The following STEAP2 variants were observed in gnomAD, a reference collection of about 807,000 sequenced individuals.
The protein encoded by STEAP2 is STEAP2 metalloreductase.
Under a neutral mutation model 46.4 loss-of-function variants are expected in STEAP2, and 30 were observed. The ratio of observed to expected loss-of-function variants is 0.65; its 90% CI spans 0.48 to 0.88. The LOEUF (loss-of-function observed/expected upper bound fraction) is 0.88, where lower values mean the gene tolerates loss of function less well. STEAP2 is among the 40% of genes least tolerant of loss of function. STEAP2 has a pLI of 0.00. For synonymous variants in STEAP2, 180 were observed against 200.5 expected (o/e 0.90, Z 0.86); for missense variants, 513 against 579.3 (o/e 0.89, Z 1.18).
At chr7:90,227,614 G>T in intron 4 of STEAP2, 116 bp downstream of exon 4, 1 of 1,005,898 alleles carries the variant, frequency 9.9e-7, no homozygotes. Context: ...GGTATACTGC[G>T]GGAGGGGAAA....
downstream of STEAP2, among the ~76,000 whole-genome samples, chr7:90,240,550 A>G (rs1453549897): frequency 2.0e-5 from 3 of 152,144 alleles, no homozygotes; most frequent in Non-Finnish European, 4.4e-5. This position sits in a 1 kb window ranked among gnomAD's most constrained non-coding sequence, Gnocchi z 4.1. Flanking sequence ...AATTATTCAT[A>G]TGATTAGAAA....
At chr7:90,243,087 T>A (rs1796083162), downstream of STEAP2, among the ~76,000 whole-genome samples, 1 of 152,202 alleles carries the variant, frequency 6.6e-6, no homozygotes, top group Non-Finnish European at 1.5e-5. Flanking sequence ...AAATGCTCAC[T>A]ACTCTCAACA....
In STEAP2 at chr7:90,237,091, T is replaced by C. The variant is rs1795987844; in HGVS notation, c.*4467T>C. 2.3e-6 allele frequency: 2 copies of C among 863,414 alleles called. No homozygotes were observed. Among genetic ancestry groups the C allele is most frequent in the African/African-American group, 3.4e-5 (2 of 58,296 alleles). The allele number at this position is 863,414 out of a possible 1,614,324, so 53.5% of individuals were successfully genotyped here. On this transcript the variant is annotated 3_prime_UTR_variant, in exon 6 of 6. Transcript: ENST00000394621. ...TGTGTCCTTTTTCATCCCTTCATCT[T>C]GCTGCTGGGATTGTGGATATAACAG...
Position 90,234,071 on chromosome 7 carries a change from C to G in STEAP2, c.*1447C>G. On this transcript the variant is annotated 3_prime_UTR_variant, in exon 6 of 6. Coordinates refer to ENST00000394621, the MANE Select transcript of STEAP2 (RefSeq NM_001244944.2). ...TTTCAAAAATCTCTGTAGAGTTAGT[C>G]TTCTCCTTTTCTCTTCCTGAGAAGT... The G allele has an allele frequency of 1.0e-6, 1 of 985,406 alleles. No individual in the cohort carries two copies. The highest frequency in any genetic ancestry group is 1.2e-6 in the Non-Finnish European group (1 of 829,924). 61.0% of individuals were successfully genotyped at this position (985,406 alleles called of 1,614,324 possible).
intron 3 of STEAP2, among the ~76,000 whole-genome samples, chr7:90,226,348 A>C (rs1795489700): frequency 6.6e-6 from 1 of 152,162 alleles, no homozygotes. Context: ...TAGACTTATT[A>C]TACCGTATTA....
chr7:90,242,624 G>C (rs893788012), downstream of STEAP2, among the ~76,000 whole-genome samples: 1 of 152,172 alleles, frequency 6.6e-6, no homozygotes, highest in African/African-American at 2.4e-5. Context: ...AGTAGTTTCA[G>C]TCTCCTTTCG....
chr7:90,232,324 C>T lies in STEAP2; in HGVS notation c.1186-13C>T, dbSNP rs778416542. 16 of 1,569,384 alleles carry T rather than the reference C, an allele frequency of 1.0e-5. No individual in the cohort carries two copies. The highest frequency in any genetic ancestry group is 1.4e-5 in the African/African-American group (1 of 73,392). Reference sequence around the variant, plus strand: ...TTATTCTTTGTTTCTTTTCCTTCCTCTCCTGGCCCAAGTCTACACTTGGAT... The same window carrying T: ...TTATTCTTTGTTTCTTTTCCTTCCTTTCCTGGCCCAAGTCTACACTTGGAT... On this transcript the variant is annotated splice_polypyrimidine_tract_variant and intron_variant, in intron 5 of 5. Coordinates refer to ENST00000394621, the MANE Select transcript of STEAP2 (RefSeq NM_001244944.2).
intron 2 of STEAP2, among the ~76,000 whole-genome samples, chr7:90,220,236 G>C (rs934441391): frequency 1.3e-5 from 2 of 152,196 alleles, no homozygotes; most frequent in African/African-American, 4.8e-5. Context: ...AAGTTTGGTA[G>C]AATTCGGCAG....
At position 90,234,943 on chromosome 7, in the gene STEAP2, G is replaced by T. The variant is rs569115018; in HGVS notation, c.*2319G>T. On this transcript the variant is annotated 3_prime_UTR_variant, in exon 6 of 6. Coordinates refer to ENST00000394621, the MANE Select transcript of STEAP2 (RefSeq NM_001244944.2). Reference sequence around the variant, plus strand: ...AGAATCACTTGTTAGTTCTTGGTAGGAATTCAGTTGGGCAATGATAACTTT... The same window carrying T: ...AGAATCACTTGTTAGTTCTTGGTAGTAATTCAGTTGGGCAATGATAACTTT... 1.0e-6 allele frequency: 1 copy of T among 983,084 alleles called. No homozygotes were observed. Among genetic ancestry groups the T allele is most frequent in the East Asian group, 1.1e-4 (1 of 8,806 alleles). 60.9% of individuals were successfully genotyped at this position (983,084 alleles called of 1,614,324 possible).
intron 1 of STEAP2, among the ~76,000 whole-genome samples, chr7:90,214,351 A>G (rs1234403834): frequency 6.6e-6 from 1 of 152,166 alleles, no homozygotes; most frequent in Non-Finnish European, 1.5e-5. Flanking sequence ...TCTGGGTGGA[A>G]AAAGTTCAGG....
At chr7:90,223,751 A>G (rs868115825) in intron 2 of STEAP2, among the ~76,000 whole-genome samples, 1 of 152,200 alleles carries the variant, frequency 6.6e-6, no homozygotes. Context: ...ATCTTTCTCA[A>G]TGATACATTG....
chr7:90,239,305 G>A (rs1796030634), downstream of STEAP2, among the ~76,000 whole-genome samples: 1 of 152,168 alleles, frequency 6.6e-6, no homozygotes, highest in Non-Finnish European at 1.5e-5. Context: ...GCATGCCAAG[G>A]AGAGATGCCT....
chr7:90,218,264 A>G (rs1175575588), intron 2 of STEAP2, among the ~76,000 whole-genome samples: 2 of 152,054 alleles, frequency 1.3e-5, no homozygotes, highest in African/African-American at 4.8e-5. Flanking sequence ...GAAGTCTTTT[A>G]GTTTAATATA....
At chr7:90,240,065 A>G (rs2116426719), downstream of STEAP2, among the ~76,000 whole-genome samples, 1 of 152,286 alleles carries the variant, frequency 6.6e-6, no homozygotes. This position sits in a 1 kb window ranked among gnomAD's most constrained non-coding sequence, Gnocchi z 4.1. Flanking sequence ...TGAACCCAGG[A>G]GTTCAAGACC....
chr7:90,231,341 A>C (rs1027902044), intron 5 of STEAP2, among the ~76,000 whole-genome samples: 1 of 151,678 alleles, frequency 6.6e-6, no homozygotes, highest in South Asian at 2.1e-4. Flanking sequence ...ATTTAATTTT[A>C]ATTTAATTTA....
At chr7:90,241,920 G>A (rs2116430139), downstream of STEAP2, among the ~76,000 whole-genome samples, 1 of 152,278 alleles carries the variant, frequency 6.6e-6, no homozygotes, top group East Asian at 1.9e-4. Flanking sequence ...TCTGAAGACG[G>A]TGGCATGTAC....
chr7:90,231,337 TTTTAA>T (rs1795737997), intron 5 of STEAP2, among the ~76,000 whole-genome samples: 3 of 151,912 alleles, frequency 2.0e-5, no homozygotes, highest in African/African-American at 4.8e-5. Flanking sequence ...GCTCATTTAA[TTTTAA>T]TTTAATTTAA....
At chr7:90,223,856 T>C (rs1191681152) in intron 2 of STEAP2, among the ~76,000 whole-genome samples, 1 of 152,218 alleles carries the variant, frequency 6.6e-6, no homozygotes, top group Non-Finnish European at 1.5e-5. Context: ...AGTGCCAGGA[T>C]TCATTGTTAG....
intron 2 of STEAP2, among the ~76,000 whole-genome samples, chr7:90,220,283 G>T (rs894604046): frequency 6.6e-6 from 1 of 152,106 alleles, no homozygotes; most frequent in Non-Finnish European, 1.5e-5. Flanking sequence ...TTTGTTGGGA[G>T]TTTTTTAATT....
Sources: allele counts gnomAD v4.1 joint callset (sites outside exome capture counted in the v4.1 genomes callset), GRCh38; gene constraint gnomAD v4.1.1; non-coding constraint Gnocchi (gnomAD v3.1); transcripts MANE v1.5; gene names NCBI Gene and HGNC (gene_info 2026-07-23, HGNC 2026-07-21).